Variants in MSI2 observed in about 807,000 individuals in gnomAD.
MSI2 encodes the protein RNA-binding protein Musashi homolog 2.
In MSI2, 17 loss-of-function variants were observed where a neutral mutation model predicts 45.6. That is an observed-to-expected ratio of 0.37 (90% confidence interval 0.26 to 0.56). MSI2 has a LOEUF of 0.56. Among genes scored for constraint, MSI2 ranks in the 20% least tolerant of loss-of-function variants. The pLI, the probability that MSI2 is intolerant of heterozygous loss-of-function variation, is 0.77. For synonymous variants in MSI2, 156 were observed against 158.2 expected, an observed-to-expected ratio of 0.99 and a Z score of 0.11; for missense variants, 293 against 444.2, an observed-to-expected ratio of 0.66 and a Z score of 3.06.
At position 57,652,040 on chromosome 17, in the gene MSI2, C is replaced by A; in HGVS notation, c.728-59C>A. 1 of 1,538,774 alleles carries A rather than the reference C, an allele frequency of 6.5e-7. No individual in the cohort carries two copies. Among genetic ancestry groups the A allele is most frequent in the South Asian group, 1.1e-5 (1 of 89,330 alleles). ...GGGTTGTGTGGCCCGTGACCTAGGT[C>A]TGTGCCTGGCCCTTTCAAGGATTCC... On this transcript the variant is annotated intron_variant, in intron 10 of 13. Coordinates refer to ENST00000284073, the MANE Select transcript of MSI2 (RefSeq NM_138962.4). The surrounding 1 kb of genome is among the most constrained non-coding windows in gnomAD (Gnocchi z 4.1).
chr17:57,450,255 T>TAGAAAGAAAGAAAGAAAGAAAGAAAG (rs1567830518), intron 6 of MSI2: 17 of 76,060 alleles, frequency 2.2e-4, no homozygotes, highest in Middle Eastern at 6.0e-3. Flanking sequence ...TTCCCCAGCT[T>TAGAAAGAAAGAAAGAAAGAAAGAAAG]AAAGAAAGAA....
intron 5 of MSI2, among the ~76,000 whole-genome samples, chr17:57,389,579 C>G (rs898913862): frequency 6.6e-6 from 1 of 152,198 alleles, no homozygotes. Context: ...ATCTTTGGAG[C>G]AGAGATGAGG....
chr17:57,295,477 T>G (rs935153342), intron 5 of MSI2, among the ~76,000 whole-genome samples: 11 of 152,160 alleles, frequency 7.2e-5, no homozygotes, highest in Admixed American at 3.9e-4. Flanking sequence ...GGTCAGTTTT[T>G]GGGGGATTAT....
chr17:57,601,837 C>G (rs1905914420), intron 8 of MSI2: 1 of 152,222 alleles, frequency 6.6e-6, no homozygotes, highest in Non-Finnish European at 1.5e-5. Flanking sequence ...CTCACAACAT[C>G]CTGAGCAGGA....
chr17:57,640,629 C>T (rs937176067), intron 10 of MSI2, among the ~76,000 whole-genome samples: 1 of 152,176 alleles, frequency 6.6e-6, no homozygotes, highest in African/African-American at 2.4e-5. Flanking sequence ...GAAAAGGAGG[C>T]AGAGAGGGAA....
intron 5 of MSI2, among the ~76,000 whole-genome samples, chr17:57,320,236 G>T (rs1913217250): frequency 6.6e-6 from 1 of 152,208 alleles, no homozygotes; most frequent in Non-Finnish European, 1.5e-5. Context: ...TGCTTGGAGT[G>T]TCTCTCTTGA....
intron 5 of MSI2, among the ~76,000 whole-genome samples, chr17:57,320,704 G>A (rs1374139813): frequency 6.6e-6 from 1 of 152,138 alleles, no homozygotes; most frequent in East Asian, 1.9e-4. Flanking sequence ...GAAATAGGCA[G>A]GCTGGTTGAG....
At chr17:57,342,575 C>T (rs181447088) in intron 5 of MSI2, among the ~76,000 whole-genome samples, 7 of 152,294 alleles carry the variant, frequency 4.6e-5, no homozygotes, top group Admixed American at 4.6e-4. Flanking sequence ...TAAAAACTTC[C>T]AGACTGTCCG....
In MSI2 at chr17:57,642,706, A is replaced by G. The variant is rs372499973; in HGVS notation, c.728-9393A>G. Among the ~76,000 whole-genome samples, 11 of 152,328 alleles carry G rather than the reference A, an allele frequency of 7.2e-5. No homozygotes were observed. The South Asian group carries it at 2.1e-3, about 29-fold the overall frequency. On this transcript the variant is annotated intron_variant, in intron 10 of 13. Coordinates refer to ENST00000284073, the MANE Select transcript of MSI2 (RefSeq NM_138962.4). Reference sequence around the variant, plus strand: ...CAGAGACTGTATGTTGTTCACTGCTATGATTCCAGTGCTTAGAACCGAGCT... The same window carrying G: ...CAGAGACTGTATGTTGTTCACTGCTGTGATTCCAGTGCTTAGAACCGAGCT...
At chr17:57,256,913 C>T (rs1428457993) in intron 1 of MSI2, 109 bp downstream of exon 1, 4 of 628,722 alleles carry the variant, frequency 6.4e-6, no homozygotes, top group Middle Eastern at 9.7e-4. Context: ...CCGCCTCTCC[C>T]GCGCGCCCCC....
At chr17:57,287,243 A>C (rs4794717) in intron 5 of MSI2, among the ~76,000 whole-genome samples, 111,232 of 151,506 alleles carry the variant, frequency 0.73, 42,388 homozygotes, top group East Asian at 0.86. Flanking sequence ...GTGCAGGCCC[A>C]AGGAAAGGAA....
At chr17:57,701,382 C>T in the MSI2 span, among the ~76,000 whole-genome samples, 1 of 152,144 alleles carries the variant, frequency 6.6e-6, no homozygotes, top group Non-Finnish European at 1.5e-5. Flanking sequence ...GTGGAGCCCT[C>T]ATGAATAGGA....
chr17:57,621,290 A>G lies in MSI2; in HGVS notation c.652+5206A>G, dbSNP rs115396409. Among the ~76,000 whole-genome samples the G allele has an allele frequency of 2.5e-3, 380 of 152,374 alleles. 1 individual carries two copies. The highest frequency in any genetic ancestry group is 8.1e-3 in the African/African-American group (336 of 41,586). On this transcript the variant is annotated intron_variant, in intron 9 of 13. Transcript: ENST00000284073. ...GGCTGATGAACTTGACTCATGCAGA[A>G]AAACATTTTCTTAAAGTTAACTAAC...
chr17:57,584,791 G>GGT (rs796553969), intron 7 of MSI2, among the ~76,000 whole-genome samples: 1 of 144,378 alleles, frequency 6.9e-6, no homozygotes, highest in African/African-American at 2.6e-5. Context: ...GATGATTTGG[G>GGT]TTTTTTTTTT....
intron 5 of MSI2, among the ~76,000 whole-genome samples, chr17:57,362,690 C>T (rs151059154): frequency 3.6e-3 from 541 of 152,028 alleles, no homozygotes; most frequent in Non-Finnish European, 4.9e-3. Flanking sequence ...GTGAGCTGTG[C>T]CTTCCCCCCA....
intron 6 of MSI2, among the ~76,000 whole-genome samples, chr17:57,418,597 T>G (rs770972606): frequency 2.6e-5 from 4 of 152,250 alleles, no homozygotes; most frequent in Non-Finnish European, 5.9e-5. Context: ...ACAGGTGCTC[T>G]GTGTGGACGT....
At position 57,675,097 on chromosome 17, in the gene MSI2, C is replaced by CCGGGCTCGGGCTT; in HGVS notation, c.920_932dup (p.His312LeufsTer52). ...TTACATAAGTGCGGCCAGCCCACAGCCGGGCTCGGGCTTCGGCCACGGCAT... is the reference window on the plus strand; with the variant it reads ...TTACATAAGTGCGGCCAGCCCACAGCCGGGCTCGGGCTTCGGGCTCGGGCTTCGGCCACGGCAT... On this transcript the variant is annotated frameshift_variant, in exon 12 of 14. Transcript: ENST00000284073. LOFTEE classifies it high-confidence loss of function. 6.2e-7 allele frequency: 1 copy of CCGGGCTCGGGCTT among 1,613,880 alleles called. No homozygotes were observed.
intron 5 of MSI2, among the ~76,000 whole-genome samples, chr17:57,395,368 G>A (rs575220077): frequency 2.0e-5 from 3 of 152,218 alleles, no homozygotes; most frequent in Admixed American, 6.5e-5. Flanking sequence ...CCTAGAAACA[G>A]TTGGAGAAGA....
chr17:57,551,199 G>A (rs1049838040), intron 7 of MSI2, among the ~76,000 whole-genome samples: 2 of 152,208 alleles, frequency 1.3e-5, no homozygotes, highest in South Asian at 2.1e-4. Flanking sequence ...TTTCAGTGCC[G>A]GGAGGTAAAT....
Sources: gnomAD v4.1 joint callset for allele counts (sites outside exome capture counted in the v4.1 genomes callset) on GRCh38, gnomAD v4.1.1 for gene constraint, Gnocchi (gnomAD v3.1) non-coding constraint, MANE v1.5 for transcripts, NCBI Gene and HGNC (gene_info 2026-07-23, HGNC 2026-07-21) for gene names.